VOPP1: variants seen among roughly 807,000 people sequenced by gnomAD.
VOPP1 encodes WW domain binding protein VOPP1.
A neutral mutation model predicts 23.5 loss-of-function variants in VOPP1; 8 were observed. The observed-to-expected ratio is 0.34, with a 90% CI of 0.20 to 0.61. VOPP1 has a LOEUF of 0.61. VOPP1 is among the 20% of genes least tolerant of loss of function. The probability of loss-of-function intolerance (pLI) is 0.78; values close to 1 mark genes in which losing one functional copy is unlikely to be tolerated. For synonymous variants in VOPP1, 83 were observed against 97.3 expected, an observed-to-expected ratio of 0.85 and a Z score of 0.86; for missense variants, 174 against 238.1, an observed-to-expected ratio of 0.73 and a Z score of 1.77.
At chr7:55,512,380 C>T (rs891160775) in intron 2 of VOPP1, among the ~76,000 whole-genome samples, 1 of 151,744 alleles carries the variant, frequency 6.6e-6, no homozygotes, top group African/African-American at 2.4e-5. Context: ...GAGCCGAGAT[C>T]GTGCCACTGC....
intron 4 of VOPP1, among the ~76,000 whole-genome samples, chr7:55,480,712 G>A (rs1220802799): frequency 6.7e-6 from 1 of 148,618 alleles, no homozygotes; most frequent in Non-Finnish European, 1.5e-5. Context: ...ATAAAGCTAT[G>A]AATCTATTAA....
intron 4 of VOPP1, among the ~76,000 whole-genome samples, chr7:55,437,981 G>T (rs1307238662): frequency 6.7e-6 from 1 of 149,946 alleles, no homozygotes; most frequent in Non-Finnish European, 1.5e-5. Flanking sequence ...TGTAACCTCT[G>T]CCTCCCAGGT....
intron 4 of VOPP1, among the ~76,000 whole-genome samples, chr7:55,461,234 G>A (rs924036386): frequency 1.3e-5 from 2 of 152,078 alleles, no homozygotes; most frequent in African/African-American, 2.4e-5. Context: ...GGACTCACGG[G>A]GAAAGGGTGG....
intron 4 of VOPP1, among the ~76,000 whole-genome samples, chr7:55,451,527 C>A (rs1421142744): frequency 6.6e-6 from 1 of 152,224 alleles, no homozygotes; most frequent in African/African-American, 2.4e-5. Flanking sequence ...TGTAGTGGCT[C>A]ACGCCTGTAA....
chr7:55,555,692 GA>G (rs1171518992), intron 1 of VOPP1, among the ~76,000 whole-genome samples: 1 of 152,154 alleles, frequency 6.6e-6, no homozygotes. Context: ...CATTATTATT[GA>G]AAACGGTAGT....
intron 4 of VOPP1, 127 bp from the exon 5 acceptor site, chr7:55,473,172 A>C: frequency 7.2e-7 from 1 of 1,393,312 alleles, no homozygotes; most frequent in Non-Finnish European, 9.4e-7. Flanking sequence ...GAAGGACCCA[A>C]CATGCCCGGT....
At chr7:55,561,579 G>A (rs915541424) in intron 1 of VOPP1, among the ~76,000 whole-genome samples, 6 of 151,648 alleles carry the variant, frequency 4.0e-5, no homozygotes, top group Admixed American at 6.6e-5. Context: ...CGTGCTGGTG[G>A]GCACCTTATG....
chr7:55,572,375 T>C lies in VOPP1; in HGVS notation c.-51A>G. On this transcript the variant is annotated 5_prime_UTR_variant, in exon 1 of 5. Transcript: ENST00000285279. ...CCCGGACGCCGGGTCGCAGGCGCGCTTCGCGACTCGGCCCCCGCGCGGGGC... is the reference window on the plus strand; with the variant it reads ...CCCGGACGCCGGGTCGCAGGCGCGCCTCGCGACTCGGCCCCCGCGCGGGGC... The C allele has an allele frequency of 8.0e-7, 1 of 1,253,622 alleles. No homozygotes were observed. Among genetic ancestry groups the C allele is most frequent in the Non-Finnish European group, 1.0e-6 (1 of 992,468 alleles). The allele number at this position is 1,253,622 out of a possible 1,614,324, so 77.7% of individuals were successfully genotyped here.
intron 2 of VOPP1, among the ~76,000 whole-genome samples, chr7:55,512,599 G>C (rs528954762): frequency 6.6e-6 from 1 of 152,274 alleles, no homozygotes; most frequent in South Asian, 2.1e-4. Context: ...TTCTGCTCTT[G>C]AATATCTGCC....
intron 1 of VOPP1, chr7:55,552,763 A>G: frequency 6.5e-7 from 1 of 1,531,140 alleles, no homozygotes. Flanking sequence ...TCACGCAGAG[A>G]GGCAGCAAGT....
chr7:55,456,813 A>T (rs1791378737), intron 4 of VOPP1, among the ~76,000 whole-genome samples: 1 of 152,070 alleles, frequency 6.6e-6, no homozygotes, highest in Non-Finnish European at 1.5e-5. Context: ...ATGGGGGTCT[A>T]GGGGAGGGAT....
intron 2 of VOPP1, among the ~76,000 whole-genome samples, chr7:55,517,901 T>C (rs956480102): frequency 6.6e-6 from 1 of 152,110 alleles, no homozygotes; most frequent in Non-Finnish European, 1.5e-5. Context: ...TCTGGACCGG[T>C]GAGGGTATTG....
At chr7:55,519,008 A>C (rs888835472) in intron 2 of VOPP1, among the ~76,000 whole-genome samples, 1 of 152,176 alleles carries the variant, frequency 6.6e-6, no homozygotes, top group Non-Finnish European at 1.5e-5. Flanking sequence ...AACAGAGAAG[A>C]CTAGTGGGTG....
intron 3 of VOPP1, 32 bp downstream of exon 3, chr7:55,497,581 G>A (rs773975227): frequency 1.3e-5 from 20 of 1,543,352 alleles, no homozygotes; most frequent in East Asian, 4.5e-5. Flanking sequence ...CAGAGCTCTC[G>A]GGGTAGGGAA....
At chr7:55,564,078 C>T (rs975915537) in intron 1 of VOPP1, among the ~76,000 whole-genome samples, 6 of 152,126 alleles carry the variant, frequency 3.9e-5, no homozygotes, top group Admixed American at 2.6e-4. Context: ...GGGAACCCCA[C>T]GTTGTTTTAC....
intron 1 of VOPP1, among the ~76,000 whole-genome samples, chr7:55,539,899 GCACACACACACACACACACACACACA>G (rs60831624): frequency 1.2e-3 from 168 of 139,326 alleles, no homozygotes; most frequent in African/African-American, 4.3e-3. Flanking sequence ...CATAAGCGCT[GCACACACACACACACACACACACACA>G]CACACACACA....
At chr7:55,453,745 A>C (rs952355872) in intron 4 of VOPP1, among the ~76,000 whole-genome samples, 2 of 152,214 alleles carry the variant, frequency 1.3e-5, no homozygotes, top group Admixed American at 6.5e-5. Flanking sequence ...ATAGAGATAA[A>C]AAGTGAGCAC....
chr7:55,497,468 C>G, intron 3 of VOPP1, 145 bp downstream of exon 3: 1 of 701,824 alleles, frequency 1.4e-6, no homozygotes, highest in Non-Finnish European at 2.4e-6. Flanking sequence ...GAAGCCAACC[C>G]AAACATACCC....
chr7:55,530,569 C>A (rs1796441081), intron 1 of VOPP1, among the ~76,000 whole-genome samples: 1 of 152,178 alleles, frequency 6.6e-6, no homozygotes, highest in African/African-American at 2.4e-5. Flanking sequence ...GACTTCAGGT[C>A]TGTTGGTTTC....
Sources: allele counts gnomAD v4.1 joint callset (sites outside exome capture counted in the v4.1 genomes callset), GRCh38; gene constraint gnomAD v4.1.1; transcripts MANE v1.5; gene names NCBI Gene and HGNC (gene_info 2026-07-23, HGNC 2026-07-21).